BCAR1: variants seen among roughly 807,000 people sequenced by gnomAD.
BCAR1 encodes breast cancer anti-estrogen resistance protein 1.
A neutral mutation model predicts 67.6 loss-of-function variants in BCAR1; 30 were observed. The ratio of observed to expected loss-of-function variants is 0.44; its 90% confidence interval spans 0.33 to 0.60. BCAR1 has a LOEUF of 0.60. Among genes scored for constraint, BCAR1 ranks in the 20% least tolerant of loss-of-function variants. The pLI, the probability that BCAR1 is intolerant of heterozygous loss-of-function variation, is 0.02. For synonymous variants in BCAR1, 626 were observed against 556.7 expected (o/e 1.12, Z -1.75); for missense variants, 1,313 against 1,222.3 (o/e 1.07, Z -1.11).
In BCAR1 at chr16:75,235,679, C is replaced by A; in HGVS notation, c.1220G>T (p.Ser407Ile). Residue 407 changes from serine to isoleucine, a missense_variant, in exon 5 of 7, where the codon AGT (serine) becomes ATT (isoleucine). Coordinates refer to ENST00000162330, the MANE Select transcript of BCAR1 (RefSeq NM_014567.5). ...PEVADGGVVD[S>I]GVYAVPPPAE... Reference sequence around the variant, plus strand: ...TGGGGGAGGCACCGCATACACACCACTGTCGACCACGCCACCATCAGCCAC... The same window carrying A: ...TGGGGGAGGCACCGCATACACACCAATGTCGACCACGCCACCATCAGCCAC... The A allele has an allele frequency of 1.2e-6, 2 of 1,611,800 alleles. No homozygotes were observed. Among genetic ancestry groups the A allele is most frequent in the South Asian group, 2.2e-5 (2 of 90,842 alleles).
Position 75,232,925 on chromosome 16 carries a change from G to A in BCAR1, c.2100+921C>T, listed in dbSNP as rs370807075. On this transcript the variant is annotated intron_variant, in intron 6 of 6. Transcript: ENST00000162330. ...CGGGTGATATTTTTATGTTCACTTC[G>A]TGCTATCCTGTATTTTCACTTTTAA... 1.5e-4 allele frequency among the ~76,000 whole-genome samples: 23 copies of A among 152,288 alleles called. 2 individuals are homozygous for A. The highest frequency in any genetic ancestry group is 7.7e-4 in the East Asian group (4 of 5,186).
At chr16:75,247,829 C>T (rs1021982434) in intron 1 of BCAR1, 8 of 578,630 alleles carry the variant, frequency 1.4e-5, no homozygotes, top group African/African-American at 1.3e-4. Flanking sequence ...TCAGCACCCG[C>T]AAGCCAGCAC....
intron 6 of BCAR1, among the ~76,000 whole-genome samples, chr16:75,232,117 C>T (rs1260725605): frequency 6.6e-6 from 1 of 151,958 alleles, no homozygotes; most frequent in Admixed American, 6.6e-5. Flanking sequence ...CTCCCGACCT[C>T]AGGTGATCCG....
In BCAR1 at chr16:75,235,861, C is replaced by T. The variant is rs2077106729; in HGVS notation, c.1038G>A (p.Leu346=). 12 of 1,565,860 alleles carry T rather than the reference C, an allele frequency of 7.7e-6. No individual in the cohort carries two copies. The highest frequency in any genetic ancestry group is 1.4e-5 in the African/African-American group (1 of 73,910). The change falls in exon 5 of 7, where the codon CTG becomes CTA. Residue 346 remains leucine (L), a synonymous_variant. Coordinates refer to ENST00000162330, the MANE Select transcript of BCAR1 (RefSeq NM_014567.5). ...AKPFDPARTP[L]VLAAPPPDSP... is the part of the protein sequence containing the mutation. Reference sequence around the variant, plus strand: ...AGTCTGGAGGGGGCGCAGCCAGTACCAGTGGGGTGCGGGCCGGGTCAAAGG... The same window carrying T: ...AGTCTGGAGGGGGCGCAGCCAGTACTAGTGGGGTGCGGGCCGGGTCAAAGG...
intron 1 of BCAR1, chr16:75,266,663 C>G: frequency 8.0e-7 from 1 of 1,248,268 alleles, no homozygotes; most frequent in South Asian, 2.6e-5. Context: ...CCAGGCAGGC[C>G]TTGCTGATGC....
chr16:75,261,181 T>C (rs2077901711), intron 1 of BCAR1, among the ~76,000 whole-genome samples: 1 of 152,164 alleles, frequency 6.6e-6, no homozygotes, highest in African/African-American at 2.4e-5. Context: ...AGGGAGACAA[T>C]GGCCCAGCAC....
At position 75,235,441 on chromosome 16, in the gene BCAR1, C is replaced by G; in HGVS notation, c.1458G>C (p.Ala486=). Residue 486 remains alanine (A), a synonymous_variant, in exon 5 of 7, where the codon GCG becomes GCC. Coordinates refer to ENST00000162330, the MANE Select transcript of BCAR1 (RefSeq NM_014567.5). ...HLLDLAGSAG[A]TGSWRSPSEP... is the part of the protein sequence containing the mutation. ...CAGAGGGGCTACGCCAGCTCCCAGT[C>G]GCACCGGCGCTGCCTGCCAGGTCCA... 1 of 1,607,812 alleles carries G rather than the reference C, an allele frequency of 6.2e-7. No individual in the cohort carries two copies. Among genetic ancestry groups the G allele is most frequent in the Non-Finnish European group, 8.5e-7 (1 of 1,178,998 alleles).
intron 1 of BCAR1, chr16:75,243,415 A>G: frequency 3.3e-6 from 2 of 606,266 alleles, no homozygotes; most frequent in Non-Finnish European, 3.1e-6. Context: ...TACCTGGACC[A>G]ACACAAGGAG....
intron 1 of BCAR1, chr16:75,250,889 C>T (rs1241175011): frequency 2.0e-6 from 2 of 985,446 alleles, no homozygotes; most frequent in Non-Finnish European, 2.4e-6. Context: ...CCGCGGCGCG[C>T]CCGCCCCCAC....
chr16:75,240,870 C>A (rs2077315961), intron 2 of BCAR1, among the ~76,000 whole-genome samples: 1 of 152,220 alleles, frequency 6.6e-6, no homozygotes, highest in Non-Finnish European at 1.5e-5. Flanking sequence ...CAATTGAGAG[C>A]AGGCCCCCTG....
intron 6 of BCAR1, among the ~76,000 whole-genome samples, chr16:75,233,604 G>GCTCTC (rs1390939944): frequency 1.3e-5 from 2 of 152,152 alleles, no homozygotes; most frequent in African/African-American, 4.8e-5. Context: ...TCTATTTTCT[G>GCTCTC]CTCTCACCCC....
intron 1 of BCAR1, 45 bp downstream of exon 1, chr16:75,251,426 C>T (rs974430353): frequency 1.3e-4 from 192 of 1,478,104 alleles, no homozygotes; most frequent in Non-Finnish European, 1.6e-4. Context: ...AGCCCGCTGC[C>T]GCCTCCAAGC....
intron 3 of BCAR1, 44 bp downstream of exon 3, chr16:75,237,139 G>C: frequency 6.7e-7 from 1 of 1,494,752 alleles, no homozygotes; most frequent in South Asian, 1.4e-5. Flanking sequence ...CAGAGGCACA[G>C]ACTTGCCGCC....
Position 75,266,516 on chromosome 16 carries a change from G to C in BCAR1, c.66+1399C>G. On this transcript the variant is annotated intron_variant, in intron 1 of 6. Coordinates refer to the BCAR1 transcript ENST00000393422. ...CGTCCTCCCAGAGGCTGGAAGACGA[G>C]CCTTCGTGGGCCTGAGACTTCCTTT... 1.5e-5 allele frequency: 6 copies of C among 389,300 alleles called. No individual in the cohort carries two copies. In the East Asian group the frequency reaches 2.3e-4, roughly 15 times the overall value. The allele number at this position is 389,300 out of a possible 1,614,324, so 24.1% of individuals were successfully genotyped here.
rs767099888 is a variant in BCAR1, at chr16:75,235,319, C to T, written c.1580G>A (p.Gly527Asp). Reference protein sequence around the residue: ...ELLEFARSAVGNAAHTSDRAL... With the variant: ...ELLEFARSAVDNAAHTSDRAL... The stretch of plus-strand genomic sequence containing the variant: ...ACGGTCAGATGTGTGGGCAGCATTG[C>T]CCACCGCGCTGCGGGCAAACTCCAA... Residue 527 changes from glycine (G) to aspartate (D), a missense_variant, in exon 5 of 7, where the codon GGC becomes GAC. Around this residue, in one of 2 missense-constraint regions of BCAR1, gnomAD observed 1,272 missense variants for 1,137.5 expected, o/e 1.12. Transcript: ENST00000162330. 10 of 1,602,740 alleles carry T rather than the reference C, an allele frequency of 6.2e-6. No homozygotes were observed. In the South Asian group the frequency reaches 6.6e-5, roughly 11 times the overall value.
At chr16:75,262,413 C>A (rs1315971615) in intron 1 of BCAR1, among the ~76,000 whole-genome samples, 1 of 152,254 alleles carries the variant, frequency 6.6e-6, no homozygotes, top group African/African-American at 2.4e-5. Context: ...GCCGGGAAGG[C>A]TTCCTATGGA....
intron 2 of BCAR1, among the ~76,000 whole-genome samples, chr16:75,241,756 C>A (rs537073352): frequency 1.3e-5 from 2 of 152,336 alleles, no homozygotes; most frequent in South Asian, 4.1e-4. Context: ...GAGGTCTCCA[C>A]CTCAGCCCTG....
Position 75,235,515 on chromosome 16 carries a change from C to T in BCAR1, c.1384G>A (p.Ala462Thr), listed in dbSNP as rs754042658. ...EPLELEVAVE[A>T]LARLQQGVSA... Reference sequence around the variant, plus strand: ...ACACCCTGCTGCAGCCGTGCCAGGGCCTCCACAGCAACTTCCAGCTCCAGG... The same window carrying T: ...ACACCCTGCTGCAGCCGTGCCAGGGTCTCCACAGCAACTTCCAGCTCCAGG... The change falls in exon 5 of 7, where the codon GCC becomes ACC. Residue 462 changes from alanine (A) to threonine (T), a missense_variant. Physicochemically the swap from Ala to Thr is moderately conservative, Grantham distance 58. Coordinates refer to ENST00000162330, the MANE Select transcript of BCAR1 (RefSeq NM_014567.5). 1.3e-6 allele frequency: 2 copies of T among 1,596,666 alleles called. No homozygotes were observed. Among genetic ancestry groups the T allele is most frequent in the South Asian group, 2.2e-5 (2 of 89,120 alleles).
chr16:75,240,602 G>A (rs1279270448), intron 2 of BCAR1, among the ~76,000 whole-genome samples: 2 of 152,232 alleles, frequency 1.3e-5, no homozygotes, highest in African/African-American at 2.4e-5. Flanking sequence ...TGATTACCGC[G>A]ATTGGAAAAT....
Sources: gnomAD v4.1 joint callset for allele counts (sites outside exome capture counted in the v4.1 genomes callset) on GRCh38, gnomAD v4.1.1 for gene constraint, gnomAD v4.1.1 regional missense constraint, MANE v1.5 for transcripts, NCBI Gene and HGNC (gene_info 2026-07-23, HGNC 2026-07-21) for gene names.